CLSTN2: variants seen among roughly 807,000 people sequenced by gnomAD.
CLSTN2 encodes the protein calsyntenin 2.
In CLSTN2, 48 loss-of-function variants were observed where a neutral mutation model predicts 101.2. That is an observed-to-expected ratio of 0.47 (90% CI 0.38 to 0.60). The LOEUF (loss-of-function observed/expected upper bound fraction) is 0.60. CLSTN2 is among the 20% of genes least tolerant of loss of function. CLSTN2 has a pLI of 0.00. For synonymous variants in CLSTN2, 481 were observed against 463.6 expected (o/e 1.04, Z -0.48); for missense variants, 1,160 against 1,238.2 (o/e 0.94, Z 0.95).
chr3:140,514,958 C>T (rs1170658603), intron 8 of CLSTN2, among the ~76,000 whole-genome samples: 2 of 152,080 alleles, frequency 1.3e-5, no homozygotes, highest in African/African-American at 2.4e-5. Context: ...AGTATTAATT[C>T]TTCTTTGAAA....
At chr3:139,941,976 G>A (rs1331640233) in intron 1 of CLSTN2, among the ~76,000 whole-genome samples, 1 of 152,164 alleles carries the variant, frequency 6.6e-6, no homozygotes, top group African/African-American at 2.4e-5. Context: ...ACTGAGAAGT[G>A]AGGTAACTTG....
At chr3:140,326,473 G>A (rs2087333034) in intron 2 of CLSTN2, among the ~76,000 whole-genome samples, 1 of 152,154 alleles carries the variant, frequency 6.6e-6, no homozygotes, top group African/African-American at 2.4e-5. Flanking sequence ...AGAACCAAGG[G>A]AAAAAGAACC....
Position 140,448,702 on chromosome 3 carries a change from G to A in CLSTN2, c.971G>A (p.Cys324Tyr), listed in dbSNP as rs1407601942. The change falls in exon 6 of 17, where the codon TGT becomes TAT. Residue 324 changes from cysteine (C) to tyrosine (Y), a missense_variant and splice_region_variant. By Grantham distance (194) the Cys-to-Tyr change is radical. Transcript: ENST00000458420. ...TCTGAGAAATCCCTTCAAAAGTTAT[G>A]TGGTAGGTTTTTCCCTTTTGGGATT... ...TYSEKSLQKLCGASSGIIDLL... is the reference protein window; with the variant it reads ...TYSEKSLQKLYGASSGIIDLL... 6.2e-7 allele frequency: 1 copy of A among 1,601,666 alleles called. No homozygotes were observed. Among genetic ancestry groups the A allele is most frequent in the Non-Finnish European group, 8.5e-7 (1 of 1,170,454 alleles).
rs1256899350 is a variant in CLSTN2, at chr3:140,567,422, CTTCT to C, written c.*1175_*1178del. On this transcript the variant is annotated 3_prime_UTR_variant, in exon 17 of 17. Transcript: ENST00000458420. Reference sequence around the variant, plus strand: ...AGCATATTTGCAATCATTGCAGCTTCTTCTTTCTTCTGCTCATAAAAGGAGGAAC... The same window carrying C: ...AGCATATTTGCAATCATTGCAGCTTCTTCTTCTGCTCATAAAAGGAGGAAC... 6.6e-6 allele frequency: 1 copy of C among 152,194 alleles called. No homozygotes were observed. Among genetic ancestry groups the C allele is most frequent in the Non-Finnish European group, 1.5e-5 (1 of 68,040 alleles). The allele number at this position is 152,194 out of a possible 1,614,324, so 9.4% of individuals were successfully genotyped here. A position where few individuals can be genotyped will look rare whatever the true frequency, so the allele number is the denominator to read the frequency against.
At chr3:140,343,322 G>A (rs2087509597) in intron 2 of CLSTN2, among the ~76,000 whole-genome samples, 1 of 152,184 alleles carries the variant, frequency 6.6e-6, no homozygotes, top group East Asian at 1.9e-4. Flanking sequence ...GTGGCTCTGA[G>A]AACCTTTTAA....
intron 5 of CLSTN2, among the ~76,000 whole-genome samples, chr3:140,443,222 G>T (rs1446265563): frequency 6.6e-6 from 1 of 152,224 alleles, no homozygotes; most frequent in Non-Finnish European, 1.5e-5. Context: ...TCCTGTGCGT[G>T]CACATTTAAG....
chr3:140,242,800 T>C (rs543681038), intron 2 of CLSTN2, among the ~76,000 whole-genome samples: 30 of 152,302 alleles, frequency 2.0e-4, no homozygotes, highest in African/African-American at 7.0e-4. Flanking sequence ...GGAGGAAAAG[T>C]GCTCACTTCT....
intron 8 of CLSTN2, among the ~76,000 whole-genome samples, chr3:140,525,725 C>T (rs1273140853): frequency 1.3e-5 from 2 of 152,028 alleles, no homozygotes; most frequent in Admixed American, 6.6e-5. Flanking sequence ...AAAGTTAAGT[C>T]GCCACATTCA....
intron 1 of CLSTN2, among the ~76,000 whole-genome samples, chr3:140,036,799 C>G (rs571973510): frequency 6.6e-6 from 1 of 151,904 alleles, no homozygotes; most frequent in African/African-American, 2.4e-5. Context: ...CAGTATTTAG[C>G]ATGTTGTCAC....
chr3:140,118,677 TG>T (rs1363897359), intron 1 of CLSTN2, among the ~76,000 whole-genome samples: 1 of 151,980 alleles, frequency 6.6e-6, no homozygotes, highest in Non-Finnish European at 1.5e-5. Context: ...ATTGGATAGG[TG>T]GGGGGCCCAG....
chr3:140,555,877 A>G (rs1935781519), intron 10 of CLSTN2, among the ~76,000 whole-genome samples: 1 of 152,084 alleles, frequency 6.6e-6, no homozygotes, highest in Admixed American at 6.5e-5. Flanking sequence ...AGTGTGGGAT[A>G]CCAGGGACTT....
Position 140,417,777 on chromosome 3 carries a change from T to A in CLSTN2, c.638-3348T>A, listed in dbSNP as rs2088447044. On this transcript the variant is annotated intron_variant, in intron 4 of 16. Coordinates refer to ENST00000458420, the MANE Select transcript of CLSTN2 (RefSeq NM_022131.3). ...GTGACTTTTCTGAGCTTTCAAAAAA[T>A]TTTAAATGTGTATCTTATTGAAATA... is the stretch of plus-strand genomic sequence containing the variant. Among the ~76,000 whole-genome samples, 4 of 152,334 alleles carry A rather than the reference T, an allele frequency of 2.6e-5. No homozygotes were observed. The South Asian group carries it at 8.3e-4, about 32-fold the overall frequency.
At chr3:140,381,402 A>G (rs751307451) in intron 2 of CLSTN2, among the ~76,000 whole-genome samples, 1 of 152,186 alleles carries the variant, frequency 6.6e-6, no homozygotes, top group Non-Finnish European at 1.5e-5. Flanking sequence ...CACCCATAAC[A>G]GTTCCTAAGG....
chr3:140,019,186 C>T (rs984245477), intron 1 of CLSTN2, among the ~76,000 whole-genome samples: 1 of 152,180 alleles, frequency 6.6e-6, no homozygotes, highest in Non-Finnish European at 1.5e-5. Flanking sequence ...TATGTGTCCT[C>T]TTAACTGGGC....
chr3:139,992,049 G>A (rs1200277189), intron 1 of CLSTN2, among the ~76,000 whole-genome samples: 2 of 152,120 alleles, frequency 1.3e-5, no homozygotes, highest in African/African-American at 4.8e-5. Flanking sequence ...GACTGAAGGT[G>A]GTTTCCAAAG....
intron 2 of CLSTN2, among the ~76,000 whole-genome samples, chr3:140,293,327 G>A (rs972466341): frequency 2.6e-5 from 4 of 152,094 alleles, no homozygotes; most frequent in Non-Finnish European, 4.4e-5. Flanking sequence ...GGCCTAGCTT[G>A]AGCACACTCT....
intron 5 of CLSTN2, among the ~76,000 whole-genome samples, chr3:140,432,558 G>A (rs973049090): frequency 1.3e-5 from 2 of 152,172 alleles, no homozygotes; most frequent in Non-Finnish European, 1.5e-5. Context: ...CCTCGTGGGG[G>A]CACTTCTCCG....
At chr3:140,512,888 G>A (rs1027840643) in intron 8 of CLSTN2, among the ~76,000 whole-genome samples, 1 of 152,098 alleles carries the variant, frequency 6.6e-6, no homozygotes, top group Non-Finnish European at 1.5e-5. Flanking sequence ...GTAAATGGGA[G>A]TTCATTCATG....
intron 2 of CLSTN2, among the ~76,000 whole-genome samples, chr3:140,192,804 G>A (rs1182401625): frequency 6.6e-6 from 1 of 151,808 alleles, no homozygotes; most frequent in Non-Finnish European, 1.5e-5. Flanking sequence ...TTATATGGTA[G>A]GGTTTAGATC....
Sources: allele counts gnomAD v4.1 joint callset (sites outside exome capture counted in the v4.1 genomes callset), GRCh38; gene constraint gnomAD v4.1.1; transcripts MANE v1.5; gene names NCBI Gene and HGNC (gene_info 2026-07-23, HGNC 2026-07-21).